Variants in GTF2H1 observed in about 807,000 individuals in gnomAD.
GTF2H1 encodes the protein BTF2 p62.
A neutral mutation model predicts 71.2 loss-of-function variants in GTF2H1; 16 were observed. The observed-to-expected ratio is 0.22, with a 90% CI of 0.15 to 0.34. The LOEUF (loss-of-function observed/expected upper bound fraction) is 0.34. Ranked by LOEUF, GTF2H1 falls within the 10% of genes least tolerant of loss-of-function variation. The pLI is 1.00. For synonymous variants in GTF2H1, 215 were observed against 219.0 expected, an observed-to-expected ratio of 0.98 and a Z score of 0.16; for missense variants, 498 against 648.2, an observed-to-expected ratio of 0.77 and a Z score of 2.52.
chr11:18,328,216 A>G (rs1393429291), intron 1 of GTF2H1, among the ~76,000 whole-genome samples: 2 of 149,352 alleles, frequency 1.3e-5, no homozygotes, highest in African/African-American at 4.9e-5. Flanking sequence ...AAAAAAAAAA[A>G]AAAAGAATAT....
At chr11:18,347,496 C>T in intron 7 of GTF2H1, 92 bp from the exon 8 acceptor site, 1 of 775,760 alleles carries the variant, frequency 1.3e-6, no homozygotes, top group Non-Finnish European at 2.0e-6. Flanking sequence ...AATAAAAGTC[C>T]CATCATCCAG....
intron 13 of GTF2H1, among the ~76,000 whole-genome samples, chr11:18,359,276 A>C (rs544238005): frequency 6.6e-6 from 1 of 152,312 alleles, no homozygotes; most frequent in East Asian, 1.9e-4. Flanking sequence ...ACGGTGGCTC[A>C]CACCTGTAAT....
At chr11:18,357,911 A>AT in intron 11 of GTF2H1, 41 bp from the exon 12 acceptor site, 3 of 1,157,532 alleles carry the variant, frequency 2.6e-6, no homozygotes, top group Non-Finnish European at 3.9e-6. Flanking sequence ...AAAAAAAAAA[A>AT]GGGAGGAAAA....
At chr11:18,364,946 G>A (rs931941611) in intron 14 of GTF2H1, among the ~76,000 whole-genome samples, 2 of 151,862 alleles carry the variant, frequency 1.3e-5, no homozygotes, top group Admixed American at 6.6e-5. Flanking sequence ...ATGTATATAC[G>A]GGGCTGGGCA....
chr11:18,365,832 A>G lies in GTF2H1; in HGVS notation c.1610A>G (p.His537Arg). 6.2e-7 allele frequency: 1 copy of G among 1,613,472 alleles called. No individual in the cohort carries two copies. The highest frequency in any genetic ancestry group is 8.5e-7 in the Non-Finnish European group (1 of 1,179,452). ...CTCCAGACAGCCTACAACAAGCTCC[A>G]CACATGGCAGTCACGGCGTCTGATG... ...EMLQTAYNKLHTWQSRRLMKK... is the reference protein window; with the variant it reads ...EMLQTAYNKLRTWQSRRLMKK... The change falls in exon 15 of 15, where the codon CAC becomes CGC. Residue 537 changes from histidine to arginine, a missense_variant. This residue lies in a region of GTF2H1 where 266 missense variants were observed against 301.6 expected (regional missense o/e 0.88). Transcript: ENST00000265963.
chr11:18,344,891 C>G (rs1458713737), intron 7 of GTF2H1, among the ~76,000 whole-genome samples: 1 of 152,074 alleles, frequency 6.6e-6, no homozygotes, highest in East Asian at 1.9e-4. Flanking sequence ...CAGCTTCTGC[C>G]TATCTTTAGA....
intron 8 of GTF2H1, 55 bp downstream of exon 8, chr11:18,347,770 A>G: frequency 6.3e-7 from 1 of 1,597,732 alleles, no homozygotes; most frequent in African/African-American, 1.3e-5. Flanking sequence ...ATCCAGATGG[A>G]GTTGTGGTGT....
intron 14 of GTF2H1, among the ~76,000 whole-genome samples, chr11:18,361,548 A>G (rs1480994213): frequency 6.6e-6 from 1 of 152,188 alleles, no homozygotes; most frequent in Non-Finnish European, 1.5e-5. Context: ...GCATGCCTGT[A>G]GTCCCAGCTA....
intron 2 of GTF2H1, among the ~76,000 whole-genome samples, chr11:18,334,655 C>A (rs938172429): frequency 6.6e-6 from 1 of 152,120 alleles, no homozygotes; most frequent in Non-Finnish European, 1.5e-5. Context: ...AGAACAGTTT[C>A]AAGTTGAATA....
chr11:18,364,244 T>C (rs1234507964), intron 14 of GTF2H1, among the ~76,000 whole-genome samples: 2 of 152,178 alleles, frequency 1.3e-5, no homozygotes, highest in African/African-American at 2.4e-5. Context: ...TAAACAGGTA[T>C]GGCAGTAAGG....
chr11:18,343,751 G>A (rs1016118401), intron 7 of GTF2H1, among the ~76,000 whole-genome samples: 5 of 152,070 alleles, frequency 3.3e-5, no homozygotes, highest in Non-Finnish European at 7.4e-5. Flanking sequence ...CCTCATAAAC[G>A]TATCTCCATG....
In GTF2H1 at chr11:18,339,428, G is replaced by A. The variant is rs189034574; in HGVS notation, c.514-136G>A. 523 of 568,662 alleles carry A rather than the reference G, an allele frequency of 9.2e-4. 3 individuals are homozygous for A. Among genetic ancestry groups the A allele is most frequent in the African/African-American group, 9.1e-3 (473 of 52,136 alleles). 35.2% of individuals were successfully genotyped at this position (568,662 alleles called of 1,614,324 possible). On this transcript the variant is annotated intron_variant, in intron 4 of 14. Transcript: ENST00000265963. The stretch of plus-strand genomic sequence containing the variant: ...TTTGAGTCCTGCCTCTGTGCAAAAA[G>A]TGAAGGTGAGGGACTTTCTCTGTCT...
intron 1 of GTF2H1, among the ~76,000 whole-genome samples, chr11:18,327,115 G>T (rs12286683): frequency 0.73 from 110,408 of 152,064 alleles, 40,506 homozygotes; most frequent in East Asian, 0.97. Context: ...ACTAGAAAAT[G>T]AATGTTAAAA....
intron 3 of GTF2H1, among the ~76,000 whole-genome samples, chr11:18,336,532 G>T (rs908268551): frequency 1.3e-5 from 2 of 152,066 alleles, no homozygotes; most frequent in African/African-American, 4.8e-5. Context: ...CTGCTTGTTT[G>T]ACTTTGGGAA....
intron 3 of GTF2H1, among the ~76,000 whole-genome samples, chr11:18,337,627 C>T (rs900943059): frequency 6.6e-6 from 1 of 152,038 alleles, no homozygotes; most frequent in South Asian, 2.1e-4. Flanking sequence ...GATAATTAAA[C>T]ATAATACAAA....
At chr11:18,325,944 T>G (rs564039282) in intron 1 of GTF2H1, 9 of 152,228 alleles carry the variant, frequency 5.9e-5, no homozygotes, top group Admixed American at 1.3e-4. Context: ...ATGGCTCTTA[T>G]AGAGTTCTCC....
chr11:18,338,787 T>A (rs566921591), intron 4 of GTF2H1, among the ~76,000 whole-genome samples: 74 of 152,316 alleles, frequency 4.9e-4, no homozygotes, highest in South Asian at 1.0e-3. Context: ...TAATTTTTTT[T>A]AAATTTATAT....
chr11:18,351,983 A>T lies in GTF2H1; in HGVS notation c.1142+14A>T. The T allele has an allele frequency of 7.3e-7, 1 of 1,373,446 alleles. No individual in the cohort carries two copies. Among genetic ancestry groups the T allele is most frequent in the Non-Finnish European group, 1.0e-6 (1 of 962,006 alleles). 85.1% of individuals were successfully genotyped at this position (1,373,446 alleles called of 1,614,324 possible). On this transcript the variant is annotated intron_variant, in intron 10 of 14. Transcript: ENST00000265963. Reference sequence around the variant, plus strand: ...GAAGTCAGATAGGTAAGTTTGGTCAATATTAAGCAGAATAGCTATGTAACA... The same window carrying T: ...GAAGTCAGATAGGTAAGTTTGGTCATTATTAAGCAGAATAGCTATGTAACA...
At chr11:18,337,167 G>A (rs577592916) in intron 3 of GTF2H1, among the ~76,000 whole-genome samples, 1 of 152,164 alleles carries the variant, frequency 6.6e-6, no homozygotes, top group Non-Finnish European at 1.5e-5. Flanking sequence ...AATGGCTCAT[G>A]CCTGTAGTCT....
Sources: gnomAD v4.1 joint callset for allele counts (sites outside exome capture counted in the v4.1 genomes callset) on GRCh38, gnomAD v4.1.1 for gene constraint, gnomAD v4.1.1 regional missense constraint, MANE v1.5 for transcripts, NCBI Gene and HGNC (gene_info 2026-07-23, HGNC 2026-07-21) for gene names.